The following FOXP2 variants were observed in gnomAD, a reference collection of about 807,000 sequenced individuals.
The protein encoded by FOXP2 is forkhead box protein P2.
In FOXP2, 12 loss-of-function variants were observed where a neutral mutation model predicts 115.8. The ratio of observed to expected loss-of-function variants is 0.10; its 90% CI spans 0.07 to 0.17. FOXP2 has a LOEUF of 0.17. Ranked by LOEUF, FOXP2 falls within the 10% of genes least tolerant of loss-of-function variation. The pLI is 1.00. For synonymous variants in FOXP2, 328 were observed against 297.7 expected (o/e 1.10, Z -1.05); for missense variants, 629 against 843.5 (o/e 0.75, Z 3.15).
intron 1 of FOXP2, among the ~76,000 whole-genome samples, chr7:114,129,432 T>C (rs1254284135): frequency 6.6e-6 from 1 of 152,184 alleles, no homozygotes; most frequent in East Asian, 1.9e-4. Flanking sequence ...GTGCAAATAG[T>C]CTGTTAGCCA....
rs570963369 is a variant in FOXP2 at position 114,462,811 on chromosome 7, T to C, written c.168+36132T>C. Among the ~76,000 whole-genome samples the C allele has an allele frequency of 2.6e-5, 4 of 152,356 alleles. No homozygotes were observed. In the East Asian group the frequency reaches 7.7e-4, roughly 29 times the overall value. Reference sequence around the variant, plus strand: ...GGTTGCCAAATACTACTAAATGTGCTACCTGATGTGCTAATAGAAAGGGCT... The same window carrying C: ...GGTTGCCAAATACTACTAAATGTGCCACCTGATGTGCTAATAGAAAGGGCT... On this transcript the variant is annotated intron_variant, in intron 2 of 16. Transcript: ENST00000350908.
At chr7:114,587,284 G>T (rs1232452317) in intron 3 of FOXP2, among the ~76,000 whole-genome samples, 1 of 151,930 alleles carries the variant, frequency 6.6e-6, no homozygotes, top group African/African-American at 2.4e-5. Flanking sequence ...GTGTCCCTGT[G>T]TTCTCATTCT....
chr7:114,153,284 A>G (rs1490484263), intron 1 of FOXP2, among the ~76,000 whole-genome samples: 1 of 152,160 alleles, frequency 6.6e-6, no homozygotes, highest in Admixed American at 6.5e-5. Context: ...ATGACAGAAG[A>G]TTTTACTCTC....
At chr7:114,427,245 T>C (rs1793898107) in intron 2 of FOXP2, among the ~76,000 whole-genome samples, 1 of 151,828 alleles carries the variant, frequency 6.6e-6, no homozygotes, top group East Asian at 1.9e-4. Flanking sequence ...CATCTTTCAA[T>C]AACATTAAAG....
At chr7:114,328,154 A>G (rs1462084926) in intron 2 of FOXP2, among the ~76,000 whole-genome samples, 1 of 150,808 alleles carries the variant, frequency 6.6e-6, no homozygotes, top group Non-Finnish European at 1.5e-5. Context: ...CTTGGGCTCA[A>G]ATGAGCCTCC....
intron 1 of FOXP2, among the ~76,000 whole-genome samples, chr7:114,133,608 T>C (rs1791949813): frequency 1.3e-5 from 2 of 152,208 alleles, no homozygotes; most frequent in African/African-American, 4.8e-5. Context: ...AATTGAAAGT[T>C]GATCCCCTAT....
chr7:114,642,682 G>A (rs1165648069), intron 7 of FOXP2, 59 bp downstream of exon 7: 4 of 1,499,326 alleles, frequency 2.7e-6, no homozygotes, highest in African/African-American at 1.4e-5. Flanking sequence ...TTTCACCATT[G>A]AGACAATGAA....
At chr7:114,212,975 A>G (rs1392330997) in intron 1 of FOXP2, among the ~76,000 whole-genome samples, 3 of 152,214 alleles carry the variant, frequency 2.0e-5, no homozygotes, top group Non-Finnish European at 2.9e-5. Flanking sequence ...TGTCATGTAC[A>G]TGGTAAGCCC....
chr7:114,435,124 C>A (rs1794281412), intron 2 of FOXP2, among the ~76,000 whole-genome samples: 2 of 152,132 alleles, frequency 1.3e-5, no homozygotes, highest in African/African-American at 4.8e-5. Context: ...GGTTCAACAA[C>A]TATAAACCAA....
chr7:114,308,039 A>T (rs1326728961), intron 2 of FOXP2, among the ~76,000 whole-genome samples: 1 of 152,080 alleles, frequency 6.6e-6, no homozygotes, highest in Non-Finnish European at 1.5e-5. Flanking sequence ...TCCAGGGTCT[A>T]AGGTGTTTTC....
chr7:114,410,409 C>A (rs1054850487), upstream of FOXP2, among the ~76,000 whole-genome samples: 1 of 152,020 alleles, frequency 6.6e-6, no homozygotes, highest in Non-Finnish European at 1.5e-5. Flanking sequence ...TCAAAAAAGA[C>A]ATAGATATTG....
intron 2 of FOXP2, among the ~76,000 whole-genome samples, chr7:114,378,684 C>CAAAAAAAAAAAAAAAAAA (rs398005920): frequency 3.9e-4 from 7 of 18,088 alleles, no homozygotes; most frequent in African/African-American, 1.1e-3. Context: ...ACCCTGTCTC[C>CAAAAAAAAAAAAAAAAAA]AAAAAAAAAA....
intron 2 of FOXP2, among the ~76,000 whole-genome samples, chr7:114,363,670 AT>A (rs1020457086): frequency 1.3e-5 from 2 of 151,994 alleles, no homozygotes; most frequent in African/African-American, 4.8e-5. Flanking sequence ...TAGCTACATA[AT>A]TTTTTTCATG....
chr7:114,253,593 T>C (rs1459734042), intron 1 of FOXP2, among the ~76,000 whole-genome samples: 1 of 152,190 alleles, frequency 6.6e-6, no homozygotes, highest in Non-Finnish European at 1.5e-5. Context: ...AAGTCTGTTT[T>C]ATCAGAGACT....
intron 2 of FOXP2, among the ~76,000 whole-genome samples, chr7:114,405,302 A>G (rs1793008097): frequency 6.6e-6 from 1 of 151,924 alleles, no homozygotes; most frequent in Admixed American, 6.6e-5. Flanking sequence ...TTCAGAAGTG[A>G]AAATTCACTT....
intron 3 of FOXP2, among the ~76,000 whole-genome samples, chr7:114,562,344 G>A (rs931793578): frequency 2.6e-5 from 4 of 152,064 alleles, no homozygotes; most frequent in Non-Finnish European, 5.9e-5. Flanking sequence ...ACCTTACTCT[G>A]CCTCTCTCCC....
chr7:114,230,316 T>A (rs1158737736), intron 1 of FOXP2, among the ~76,000 whole-genome samples: 1 of 151,868 alleles, frequency 6.6e-6, no homozygotes, highest in East Asian at 1.9e-4. Flanking sequence ...TTAACACTGA[T>A]TTTTTTCATA....
chr7:114,556,901 T>A (rs549317480), intron 3 of FOXP2, among the ~76,000 whole-genome samples: 1 of 152,344 alleles, frequency 6.6e-6, no homozygotes, highest in South Asian at 2.1e-4. Flanking sequence ...ACTTTAAAGA[T>A]CTTTTGTATT....
intron 2 of FOXP2, among the ~76,000 whole-genome samples, chr7:114,395,579 A>G (rs1354256079): frequency 1.3e-5 from 2 of 152,164 alleles, no homozygotes; most frequent in Non-Finnish European, 2.9e-5. Flanking sequence ...AGAGAGCCTC[A>G]TACCCAGAAT....
Sources: gnomAD v4.1 joint callset for allele counts (sites outside exome capture counted in the v4.1 genomes callset) on GRCh38, gnomAD v4.1.1 for gene constraint, MANE v1.5 for transcripts, NCBI Gene and HGNC (gene_info 2026-07-23, HGNC 2026-07-21) for gene names.